The following TMEM117 variants were observed in gnomAD, a reference collection of about 807,000 sequenced individuals.
TMEM117 encodes the protein transmembrane protein 117.
A neutral mutation model predicts 52.4 loss-of-function variants in TMEM117; 27 were observed. The observed-to-expected ratio is 0.51, with a 90% CI of 0.38 to 0.71. The LOEUF (loss-of-function observed/expected upper bound fraction) is 0.71. TMEM117 is among the 30% of genes least tolerant of loss of function. TMEM117 has a pLI of 0.00. For missense variants in TMEM117, 556 were observed against 630.5 expected (o/e 0.88, Z 1.26); for synonymous variants, 215 against 206.3 (o/e 1.04, Z -0.36).
intron 2 of TMEM117, among the ~76,000 whole-genome samples, chr12:43,869,425 C>T (rs1042406567): frequency 7.9e-5 from 12 of 152,102 alleles, no homozygotes; most frequent in African/African-American, 1.4e-4. Flanking sequence ...AGTAAGGACA[C>T]GAAGAGAAAA....
Position 44,300,045 on chromosome 12 carries a change from C to A in TMEM117, c.768+306C>A, listed in dbSNP as rs558614382. ...AAAAAAACACACTCAGAAACAAAAACCAAAAATCCTTGTCATTTAGTAAAT... is the reference window on the plus strand; with the variant it reads ...AAAAAAACACACTCAGAAACAAAAAACAAAAATCCTTGTCATTTAGTAAAT... On this transcript the variant is annotated intron_variant, in intron 6 of 7. Transcript: ENST00000266534. 2.6e-5 allele frequency among the ~76,000 whole-genome samples: 4 copies of A among 152,162 alleles called. No individual in the cohort carries two copies. The East Asian group carries it at 7.7e-4, about 29-fold the overall frequency.
chr12:44,087,524 T>C (rs1947591273), intron 3 of TMEM117, among the ~76,000 whole-genome samples: 1 of 152,130 alleles, frequency 6.6e-6, no homozygotes, highest in African/African-American at 2.4e-5. Context: ...TGCAGTGGCA[T>C]GATCATGGCT....
chr12:44,016,700 T>G (rs1379620479), intron 3 of TMEM117, among the ~76,000 whole-genome samples: 1 of 152,124 alleles, frequency 6.6e-6, no homozygotes, highest in Non-Finnish European at 1.5e-5. Context: ...TTTTACGAGC[T>G]AATGGGAATG....
chr12:44,397,072 A>G, the TMEM117 span, among the ~76,000 whole-genome samples: 30 of 152,136 alleles, frequency 2.0e-4, no homozygotes, highest in African/African-American at 7.2e-4. Flanking sequence ...ATCCCAGTTG[A>G]GCCAGAAAAA....
At chr12:44,083,034 A>G (rs934303160) in intron 3 of TMEM117, among the ~76,000 whole-genome samples, 2 of 152,086 alleles carry the variant, frequency 1.3e-5, no homozygotes, top group African/African-American at 4.8e-5. Flanking sequence ...AAAACATTCC[A>G]TTGTGTGAGT....
chr12:43,913,188 A>G (rs1186156361), intron 2 of TMEM117, among the ~76,000 whole-genome samples: 1 of 152,150 alleles, frequency 6.6e-6, no homozygotes, highest in African/African-American at 2.4e-5. Context: ...AAGCTCATTC[A>G]TGAACTGTCT....
chr12:43,867,139 T>TAC (rs1943615848), intron 2 of TMEM117, among the ~76,000 whole-genome samples: 1 of 152,098 alleles, frequency 6.6e-6, no homozygotes, highest in Non-Finnish European at 1.5e-5. Flanking sequence ...AGGAAAATTG[T>TAC]AATATTGTAT....
intron 2 of TMEM117, among the ~76,000 whole-genome samples, chr12:43,933,046 T>C (rs1043872052): frequency 3.3e-5 from 5 of 152,332 alleles, no homozygotes; most frequent in East Asian, 3.9e-4. Context: ...TTCAGGGGAC[T>C]ATTCTTGACA....
chr12:44,262,070 G>A (rs1375468455), intron 5 of TMEM117, among the ~76,000 whole-genome samples: 1 of 152,166 alleles, frequency 6.6e-6, no homozygotes, highest in Non-Finnish European at 1.5e-5. Context: ...ATTAATGTAG[G>A]TGTGAACCAG....
chr12:43,815,115 G>A, the TMEM117 span, among the ~76,000 whole-genome samples: 2 of 152,240 alleles, frequency 1.3e-5, no homozygotes, highest in Non-Finnish European at 2.9e-5. Flanking sequence ...CTTTCCAGAC[G>A]TCTCACTTTC....
At chr12:43,845,684 C>G (rs1442258055) in intron 2 of TMEM117, among the ~76,000 whole-genome samples, 2 of 149,000 alleles carry the variant, frequency 1.3e-5, no homozygotes, top group Non-Finnish European at 1.5e-5. Flanking sequence ...TAATGCTATC[C>G]CTCCCCCCTC....
At chr12:44,158,049 T>A (rs139786889) in intron 4 of TMEM117, among the ~76,000 whole-genome samples, 1 of 152,284 alleles carries the variant, frequency 6.6e-6, no homozygotes, top group African/African-American at 2.4e-5. Context: ...AAGTAGCAGA[T>A]TTTATTAAAG....
intron 2 of TMEM117, among the ~76,000 whole-genome samples, chr12:43,873,714 G>A (rs1010761334): frequency 6.0e-5 from 9 of 150,252 alleles, no homozygotes; most frequent in African/African-American, 1.7e-4. Flanking sequence ...TAATTTTTTC[G>A]TTTTATTTTA....
chr12:44,196,120 A>G (rs1477524016), intron 4 of TMEM117, among the ~76,000 whole-genome samples: 2 of 151,982 alleles, frequency 1.3e-5, no homozygotes, highest in Non-Finnish European at 2.9e-5. Context: ...GAATAAGTTG[A>G]CAGAATATGC....
At chr12:44,320,787 C>T (rs146883977) in intron 6 of TMEM117, among the ~76,000 whole-genome samples, 19 of 152,200 alleles carry the variant, frequency 1.2e-4, no homozygotes, top group East Asian at 1.9e-4. Flanking sequence ...TTAAATATTT[C>T]GATTAGAGTT....
chr12:43,798,665 T>A, the TMEM117 span: 92 of 1,377,174 alleles, frequency 6.7e-5, no homozygotes, highest in Non-Finnish European at 8.7e-5. Flanking sequence ...TCAAATAATA[T>A]GAATTAAAAT....
At chr12:44,318,963 T>C (rs566600418) in intron 6 of TMEM117, among the ~76,000 whole-genome samples, 1 of 152,286 alleles carries the variant, frequency 6.6e-6, no homozygotes, top group South Asian at 2.1e-4. Context: ...CATTTCCAGG[T>C]GGCCAAGCTA....
At chr12:44,143,405 G>A (rs1450022064) in intron 3 of TMEM117, 120 bp from the exon 4 acceptor site, 2 of 640,766 alleles carry the variant, frequency 3.1e-6, no homozygotes, top group South Asian at 2.3e-5. Context: ...TATGTGATGG[G>A]ACAAGAGCCA....
chr12:44,075,846 G>T (rs528638378), intron 3 of TMEM117, among the ~76,000 whole-genome samples: 180 of 152,228 alleles, frequency 1.2e-3, no homozygotes, highest in South Asian at 7.3e-3. Flanking sequence ...ACTGTGGCCA[G>T]GTAGTATCAT....
Sources: allele counts gnomAD v4.1 joint callset (sites outside exome capture counted in the v4.1 genomes callset), GRCh38; gene constraint gnomAD v4.1.1; transcripts MANE v1.5; gene names NCBI Gene and HGNC (gene_info 2026-07-23, HGNC 2026-07-21).